The following CNTN5 variants were observed in gnomAD, a reference collection of about 807,000 sequenced individuals.
The protein encoded by CNTN5 is contactin-5.
CNTN5 carries 77 observed loss-of-function variants against 129.1 expected under a neutral mutation model. The ratio of observed to expected loss-of-function variants is 0.60; its 90% CI spans 0.50 to 0.72. The LOEUF (loss-of-function observed/expected upper bound fraction) is 0.72. Ranked by LOEUF, CNTN5 falls within the 30% of genes least tolerant of loss-of-function variation. The pLI is 0.00. For synonymous variants in CNTN5, 509 were observed against 465.6 expected (o/e 1.09, Z -1.20); for missense variants, 1,478 against 1,328.8 (o/e 1.11, Z -1.75).
chr11:99,135,724 T>C (rs1172223776), intron 1 of CNTN5, among the ~76,000 whole-genome samples: 1 of 152,200 alleles, frequency 6.6e-6, no homozygotes, highest in Non-Finnish European at 1.5e-5. Flanking sequence ...CATTGTATTT[T>C]ATCTTCTACT....
At chr11:99,943,616 T>C (rs1950491727) in intron 7 of CNTN5, among the ~76,000 whole-genome samples, 1 of 152,104 alleles carries the variant, frequency 6.6e-6, no homozygotes, top group African/African-American at 2.4e-5. Flanking sequence ...CCCATGCCTA[T>C]GTCCTGAATG....
At chr11:99,934,571 A>C (rs1187363584) in intron 7 of CNTN5, among the ~76,000 whole-genome samples, 2 of 152,158 alleles carry the variant, frequency 1.3e-5, no homozygotes, top group Non-Finnish European at 2.9e-5. Context: ...TTTAATACGT[A>C]CAACGATTCT....
intron 1 of CNTN5, among the ~76,000 whole-genome samples, chr11:99,192,328 T>C (rs1002753314): frequency 6.6e-6 from 1 of 151,856 alleles, no homozygotes; most frequent in African/African-American, 2.4e-5. Context: ...CTTAATCACA[T>C]TGAAATATTT....
At chr11:99,927,992 G>A (rs984112546) in intron 7 of CNTN5, among the ~76,000 whole-genome samples, 2 of 152,152 alleles carry the variant, frequency 1.3e-5, no homozygotes, top group Non-Finnish European at 2.9e-5. Context: ...ACAGGCATTG[G>A]ATAATTACAC....
intron 1 of CNTN5, among the ~76,000 whole-genome samples, chr11:99,279,293 T>A (rs1863588497): frequency 6.6e-6 from 1 of 151,840 alleles, no homozygotes; most frequent in Non-Finnish European, 1.5e-5. Flanking sequence ...TGAACCTCAG[T>A]TTGCTGGTTG....
intron 15 of CNTN5, among the ~76,000 whole-genome samples, chr11:100,209,609 C>T (rs756589504): frequency 6.6e-6 from 1 of 152,186 alleles, no homozygotes; most frequent in African/African-American, 2.4e-5. Context: ...ACAAAAATAG[C>T]ATGTCTAGAA....
intron 1 of CNTN5, among the ~76,000 whole-genome samples, chr11:99,094,153 A>G (rs1866374124): frequency 6.6e-6 from 1 of 152,026 alleles, no homozygotes; most frequent in African/African-American, 2.4e-5. Context: ...TCCTATGGGC[A>G]TAAGTAATTT....
chr11:99,768,134 T>C (rs1158596419), intron 3 of CNTN5, among the ~76,000 whole-genome samples: 4 of 152,132 alleles, frequency 2.6e-5, no homozygotes, highest in East Asian at 3.9e-4. Context: ...TCTGTCCTTG[T>C]AGAAAAAGTT....
chr11:99,442,462 A>G (rs1386227060), intron 2 of CNTN5, among the ~76,000 whole-genome samples: 2 of 152,120 alleles, frequency 1.3e-5, no homozygotes, highest in Admixed American at 1.3e-4. Context: ...GAGGCACTGC[A>G]CCTGGCTTTG....
chr11:99,920,189 A>G (rs1949902165), intron 7 of CNTN5, among the ~76,000 whole-genome samples: 1 of 152,114 alleles, frequency 6.6e-6, no homozygotes, highest in Non-Finnish European at 1.5e-5. Flanking sequence ...TCCATAAAAC[A>G]CTATTTTCAC....
intron 8 of CNTN5, among the ~76,000 whole-genome samples, chr11:99,968,748 T>C (rs1951168052): frequency 6.7e-6 from 1 of 150,210 alleles, no homozygotes; most frequent in Non-Finnish European, 1.5e-5. Context: ...TCCAGGAGAC[T>C]TTTTCTTTCT....
intron 2 of CNTN5, among the ~76,000 whole-genome samples, chr11:99,392,283 G>A (rs1941303865): frequency 6.6e-6 from 1 of 151,682 alleles, no homozygotes; most frequent in Non-Finnish European, 1.5e-5. Context: ...AAGTACTAGA[G>A]TTTTTATTGT....
At chr11:99,180,040 G>T (rs1415227630) in intron 1 of CNTN5, among the ~76,000 whole-genome samples, 1 of 151,858 alleles carries the variant, frequency 6.6e-6, no homozygotes. Flanking sequence ...AAATGTTTTC[G>T]ACCTAGTAAG....
intron 1 of CNTN5, among the ~76,000 whole-genome samples, chr11:99,078,922 T>TA (rs1221354615): frequency 3.3e-5 from 5 of 152,014 alleles, no homozygotes; most frequent in Non-Finnish European, 5.9e-5. Context: ...ATTGTACATT[T>TA]AAAAAATCAC....
intron 2 of CNTN5, among the ~76,000 whole-genome samples, chr11:99,478,702 G>T (rs1945476552): frequency 6.6e-6 from 1 of 152,120 alleles, no homozygotes; most frequent in East Asian, 1.9e-4. Flanking sequence ...CATGGTGAAG[G>T]TAGCCAAAAT....
intron 10 of CNTN5, among the ~76,000 whole-genome samples, chr11:100,069,159 T>C (rs908819215): frequency 1.3e-5 from 2 of 152,046 alleles, no homozygotes; most frequent in African/African-American, 4.8e-5. Context: ...TTATTTTTTA[T>C]TTTTCTTTTT....
intron 1 of CNTN5, among the ~76,000 whole-genome samples, chr11:99,209,205 A>T (rs1336255415): frequency 6.6e-6 from 1 of 152,134 alleles, no homozygotes; most frequent in East Asian, 1.9e-4. Context: ...ACATTGAAGA[A>T]ACTCAAAGGC....
chr11:99,044,754 T>C (rs1864139378), intron 1 of CNTN5, among the ~76,000 whole-genome samples: 1 of 152,148 alleles, frequency 6.6e-6, no homozygotes, highest in Non-Finnish European at 1.5e-5. Context: ...CTCTGTAAAG[T>C]GTCGGGTCCT....
At chr11:99,743,928 T>C (rs1943963191) in intron 3 of CNTN5, among the ~76,000 whole-genome samples, 1 of 152,186 alleles carries the variant, frequency 6.6e-6, no homozygotes, top group Non-Finnish European at 1.5e-5. Context: ...TCAGAAGCAG[T>C]AAATGTTGAA....
Sources: allele counts gnomAD v4.1 joint callset (sites outside exome capture counted in the v4.1 genomes callset), GRCh38; gene constraint gnomAD v4.1.1; transcripts MANE v1.5; gene names NCBI Gene and HGNC (gene_info 2026-07-23, HGNC 2026-07-21).